PCLO: variants seen among roughly 807,000 people sequenced by gnomAD.
PCLO encodes protein piccolo.
In PCLO, 82 loss-of-function variants were observed where a neutral mutation model predicts 427.5. The ratio of observed to expected loss-of-function variants is 0.19; its 90% CI spans 0.16 to 0.23. PCLO has a LOEUF of 0.23. PCLO is among the 10% of genes least tolerant of loss of function. The pLI, the probability that PCLO is intolerant of heterozygous loss-of-function variation, is 1.00. For synonymous variants in PCLO, 2,357 were observed against 2,155.4 expected (o/e 1.09, Z -2.59); for missense variants, 6,239 against 6,115.9 (o/e 1.02, Z -0.67).
intron 20 of PCLO, among the ~76,000 whole-genome samples, chr7:82,809,005 A>G (rs1791512975): frequency 6.6e-6 from 1 of 151,970 alleles, no homozygotes; most frequent in Non-Finnish European, 1.5e-5. Flanking sequence ...ATTTTAATAT[A>G]TCTTTTCCAG....
At chr7:83,116,926 A>G (rs2116544939) in intron 3 of PCLO, among the ~76,000 whole-genome samples, 1 of 152,326 alleles carries the variant, frequency 6.6e-6, no homozygotes, top group East Asian at 1.9e-4. Flanking sequence ...TATCCAATAT[A>G]TGGAATCAAC....
At chr7:83,065,456 G>A (rs1422896522) in intron 3 of PCLO, among the ~76,000 whole-genome samples, 1 of 143,200 alleles carries the variant, frequency 7.0e-6, no homozygotes, top group Non-Finnish European at 1.5e-5. Flanking sequence ...TTTGGTTTGA[G>A]TGTTCTCAAG....
chr7:82,963,395 G>GT (rs1795695960), intron 4 of PCLO, among the ~76,000 whole-genome samples: 4 of 152,008 alleles, frequency 2.6e-5, no homozygotes, highest in African/African-American at 9.6e-5. Flanking sequence ...ATTAAGGAAG[G>GT]TTAACACTTA....
intron 3 of PCLO, among the ~76,000 whole-genome samples, chr7:83,032,741 C>T (rs991806151): frequency 6.6e-6 from 1 of 152,100 alleles, no homozygotes; most frequent in African/African-American, 2.4e-5. Flanking sequence ...TTATTTTTGA[C>T]TACTCTCTTC....
chr7:83,056,480 C>T (rs189718731), intron 3 of PCLO, among the ~76,000 whole-genome samples: 185 of 152,256 alleles, frequency 1.2e-3, no homozygotes, highest in African/African-American at 4.3e-3. Flanking sequence ...TCAATATCCA[C>T]GTCGAATGAG....
intron 2 of PCLO, among the ~76,000 whole-genome samples, chr7:83,151,747 C>A (rs1428620310): frequency 6.6e-6 from 1 of 152,208 alleles, no homozygotes; most frequent in African/African-American, 2.4e-5. Flanking sequence ...CACTTCATCT[C>A]TCTTCCTACC....
chr7:83,072,109 A>C (rs1562950059), intron 3 of PCLO, among the ~76,000 whole-genome samples: 2 of 152,016 alleles, frequency 1.3e-5, no homozygotes, highest in Non-Finnish European at 2.9e-5. Context: ...ATTATTTATC[A>C]TTGCTCCCTA....
chr7:83,015,461 T>C (rs1420519126), intron 3 of PCLO, among the ~76,000 whole-genome samples: 1 of 152,092 alleles, frequency 6.6e-6, no homozygotes, highest in African/African-American at 2.4e-5. Flanking sequence ...TTTCTTCTAT[T>C]TCTATGTGAT....
chr7:82,871,601 T>C (rs1793239641), intron 10 of PCLO, among the ~76,000 whole-genome samples: 1 of 151,942 alleles, frequency 6.6e-6, no homozygotes, highest in African/African-American at 2.4e-5. Flanking sequence ...GAAGGAAAGA[T>C]TTTAAGTGTT....
chr7:82,974,537 C>T (rs1050375230), intron 3 of PCLO, among the ~76,000 whole-genome samples: 13 of 151,912 alleles, frequency 8.6e-5, no homozygotes, highest in East Asian at 1.9e-4. Context: ...CTAACTTTAG[C>T]GGAAATATAA....
chr7:83,058,208 T>A (rs893866577), intron 3 of PCLO, among the ~76,000 whole-genome samples: 24 of 152,192 alleles, frequency 1.6e-4, no homozygotes, highest in Non-Finnish European at 2.5e-4. Context: ...TAGTTTGAAA[T>A]CAGGACAGTT....
chr7:82,761,570 C>T, intron 22 of PCLO, 77 bp from the exon 23 acceptor site: 1 of 1,017,698 alleles, frequency 9.8e-7, no homozygotes, highest in Admixed American at 2.2e-5. Flanking sequence ...TTCATTCATA[C>T]ATTCATTTAC....
At chr7:82,859,618 C>T (rs1406039366) in intron 10 of PCLO, among the ~76,000 whole-genome samples, 3 of 152,124 alleles carry the variant, frequency 2.0e-5, no homozygotes, top group Non-Finnish European at 2.9e-5. Flanking sequence ...TCTGGAAAGC[C>T]TTCCCAAAAG....
At chr7:82,859,507 G>T (rs1792900754) in intron 10 of PCLO, among the ~76,000 whole-genome samples, 1 of 152,208 alleles carries the variant, frequency 6.6e-6, no homozygotes, top group African/African-American at 2.4e-5. Context: ...CACCACCAAG[G>T]TTGTACCTTT....
chr7:83,097,338 C>T (rs956317467), intron 3 of PCLO, among the ~76,000 whole-genome samples: 2 of 143,484 alleles, frequency 1.4e-5, no homozygotes, highest in Admixed American at 1.5e-4. Context: ...CTGGCTAAAA[C>T]GATGAAACCC....
chr7:83,158,857 G>A (rs1163968035), intron 1 of PCLO, among the ~76,000 whole-genome samples: 1 of 151,954 alleles, frequency 6.6e-6, no homozygotes, highest in Non-Finnish European at 1.5e-5. Context: ...AAAACACAGA[G>A]ATCTTTGAGT....
chr7:83,080,929 T>C (rs1301972528), intron 3 of PCLO, among the ~76,000 whole-genome samples: 2 of 151,588 alleles, frequency 1.3e-5, no homozygotes, highest in African/African-American at 4.8e-5. Context: ...TAACTAATAA[T>C]AAAATAAAAA....
chr7:82,896,076 G>A (rs76528110), intron 9 of PCLO, among the ~76,000 whole-genome samples: 1 of 151,786 alleles, frequency 6.6e-6, no homozygotes, highest in Non-Finnish European at 1.5e-5. Flanking sequence ...ATGAAAAATT[G>A]CTGGCAAGAA....
Position 82,952,356 on chromosome 7 carries a change from A to C in PCLO, c.8597T>G (p.Leu2866Trp). ...CACAGTGACAGGTTTTGTAATAGCC[A>C]ATGTCACTGCATGTGCTGGAGTACC... The part of the protein sequence containing the change: ...SLGTPAHAVT[L>W]AITKPVTVPP... Residue 2866 changes from leucine to tryptophan, a missense_variant, in exon 5 of 25, where the codon TTG becomes TGG. Physicochemically the swap from Leu to Trp is moderately conservative, Grantham distance 61. This residue lies in a region of PCLO where 4,677 missense variants were observed against 4,468.4 expected (regional missense o/e 1.05). Transcript: ENST00000333891. 1.2e-6 allele frequency: 2 copies of C among 1,613,840 alleles called. No homozygotes were observed. Among genetic ancestry groups the C allele is most frequent in the Non-Finnish European group, 1.7e-6 (2 of 1,179,760 alleles).
Sources: allele counts gnomAD v4.1 joint callset (sites outside exome capture counted in the v4.1 genomes callset), GRCh38; gene constraint gnomAD v4.1.1; regional missense constraint gnomAD v4.1.1; transcripts MANE v1.5; gene names NCBI Gene and HGNC (gene_info 2026-07-23, HGNC 2026-07-21).